Variants in ARHGAP10 observed in about 807,000 individuals in gnomAD.
The protein encoded by ARHGAP10 is rho GTPase-activating protein 10.
ARHGAP10 carries 87 observed loss-of-function variants against 108.6 expected under a neutral mutation model. That is an observed-to-expected ratio of 0.80 (90% CI 0.67 to 0.96). The LOEUF (loss-of-function observed/expected upper bound fraction) is 0.96, where lower values mean the gene tolerates loss of function less well. Among genes scored for constraint, ARHGAP10 ranks in the 40% least tolerant of loss-of-function variants. The pLI is 0.00. For synonymous variants in ARHGAP10, 347 were observed against 341.1 expected (o/e 1.02, Z -0.19); for missense variants, 939 against 954.5 (o/e 0.98, Z 0.21).
At chr4:147,781,819 G>A (rs1391667314) in intron 1 of ARHGAP10, among the ~76,000 whole-genome samples, 1 of 151,722 alleles carries the variant, frequency 6.6e-6, no homozygotes, top group Admixed American at 6.6e-5. Flanking sequence ...TATTATAAGT[G>A]ATAGCAAAGT....
intron 1 of ARHGAP10, among the ~76,000 whole-genome samples, chr4:147,793,708 A>G (rs1234987023): frequency 1.3e-5 from 2 of 152,208 alleles, no homozygotes; most frequent in Non-Finnish European, 2.9e-5. Context: ...GGGAGTTAAC[A>G]TAATGCGGAG....
At chr4:147,799,629 A>T (rs1341781762) in intron 1 of ARHGAP10, among the ~76,000 whole-genome samples, 1 of 151,950 alleles carries the variant, frequency 6.6e-6, no homozygotes, top group Non-Finnish European at 1.5e-5. Context: ...AGTTTTTGTT[A>T]CTGTACTTTT....
intron 18 of ARHGAP10, among the ~76,000 whole-genome samples, chr4:147,972,454 A>G (rs1017776337): frequency 5.3e-5 from 8 of 152,184 alleles, no homozygotes; most frequent in African/African-American, 1.9e-4. Flanking sequence ...TAACTTGCTC[A>G]TGAGCACACA....
At chr4:147,978,211 A>G (rs1357573062) in intron 18 of ARHGAP10, among the ~76,000 whole-genome samples, 1 of 152,096 alleles carries the variant, frequency 6.6e-6, no homozygotes, top group Non-Finnish European at 1.5e-5. Context: ...GCTGGGTCGA[A>G]TGGTAGTTCT....
intron 3 of ARHGAP10, among the ~76,000 whole-genome samples, chr4:147,834,044 A>G (rs1239023675): frequency 6.6e-6 from 1 of 152,236 alleles, no homozygotes; most frequent in Admixed American, 6.5e-5. Flanking sequence ...AATACCTGCA[A>G]CTAGGTAAAT....
chr4:147,939,695 T>TC (rs1161619477), intron 13 of ARHGAP10, 130 bp from the exon 14 acceptor site: 8 of 815,698 alleles, frequency 9.8e-6, no homozygotes, highest in African/African-American at 1.7e-5. Flanking sequence ...CTTGATTTTT[T>TC]CAAAGGTTAT....
At chr4:147,757,345 C>T (rs1729420260) in intron 1 of ARHGAP10, among the ~76,000 whole-genome samples, 1 of 152,064 alleles carries the variant, frequency 6.6e-6, no homozygotes, top group Admixed American at 6.6e-5. Flanking sequence ...AGGCGTATGC[C>T]GCCATGCCCA....
chr4:147,850,931 T>C (rs1197056142), intron 4 of ARHGAP10, among the ~76,000 whole-genome samples: 2 of 152,234 alleles, frequency 1.3e-5, no homozygotes, highest in Non-Finnish European at 2.9e-5. Context: ...GGGCCAAGTA[T>C]GTTGAACAAA....
intron 3 of ARHGAP10, among the ~76,000 whole-genome samples, chr4:147,826,166 G>A (rs1255210884): frequency 6.6e-6 from 1 of 152,192 alleles, no homozygotes; most frequent in Non-Finnish European, 1.5e-5. Context: ...TACAGAAATA[G>A]CGTGTGACCA....
intron 18 of ARHGAP10, among the ~76,000 whole-genome samples, chr4:148,022,725 A>G (rs1214837219): frequency 6.6e-6 from 1 of 152,250 alleles, no homozygotes; most frequent in Non-Finnish European, 1.5e-5. Flanking sequence ...GTATTAAATG[A>G]ATTGATAAAA....
intron 1 of ARHGAP10, among the ~76,000 whole-genome samples, chr4:147,815,959 A>G (rs968940844): frequency 2.0e-5 from 3 of 152,346 alleles, no homozygotes; most frequent in Middle Eastern, 3.4e-3. Context: ...GTTGTAAGCC[A>G]CTGCATTTGT....
At chr4:147,972,609 G>A (rs1181719546) in intron 18 of ARHGAP10, among the ~76,000 whole-genome samples, 1 of 152,120 alleles carries the variant, frequency 6.6e-6, no homozygotes, top group Non-Finnish European at 1.5e-5. Flanking sequence ...AGAAACCCAG[G>A]CAGGATCAGG....
intron 4 of ARHGAP10, among the ~76,000 whole-genome samples, chr4:147,850,204 A>G (rs749333377): frequency 1.2e-4 from 18 of 152,192 alleles, no homozygotes; most frequent in Non-Finnish European, 2.2e-4. Flanking sequence ...CTCTGTAAAA[A>G]TGGACCAATC....
intron 18 of ARHGAP10, among the ~76,000 whole-genome samples, chr4:148,003,258 G>T (rs1054110326): frequency 1.3e-5 from 2 of 152,166 alleles, no homozygotes; most frequent in Non-Finnish European, 2.9e-5. Flanking sequence ...GTTCTAGTTT[G>T]CTTGCACTGT....
chr4:147,741,461 A>G (rs1012605275), intron 1 of ARHGAP10, among the ~76,000 whole-genome samples: 37 of 152,334 alleles, frequency 2.4e-4, no homozygotes, highest in African/African-American at 8.4e-4. Context: ...CTGATTAGAA[A>G]GAGAAAAATG....
At chr4:147,995,867 C>T (rs933688553) in intron 18 of ARHGAP10, among the ~76,000 whole-genome samples, 3 of 152,172 alleles carry the variant, frequency 2.0e-5, no homozygotes, top group Non-Finnish European at 4.4e-5. Flanking sequence ...CAGGCACCCG[C>T]CACTACGCCT....
chr4:148,048,298 G>A (rs1209420395), intron 20 of ARHGAP10, among the ~76,000 whole-genome samples: 1 of 152,204 alleles, frequency 6.6e-6, no homozygotes, highest in Admixed American at 6.5e-5. Context: ...AAATGATTGT[G>A]AACTTATTAA....
chr4:148,044,783 T>G (rs1269276835), intron 19 of ARHGAP10, among the ~76,000 whole-genome samples: 2 of 152,114 alleles, frequency 1.3e-5, no homozygotes, highest in Non-Finnish European at 2.9e-5. Context: ...GATGTGGTCT[T>G]TGTTCCAAAG....
In ARHGAP10 at chr4:147,969,562, TTGTGAAAATAC is replaced by T. The variant is rs1430608903; in HGVS notation, c.1716+2726_1716+2736del. Among the ~76,000 whole-genome samples, 7 of 152,282 alleles carry T rather than the reference TTGTGAAAATAC, an allele frequency of 4.6e-5. No homozygotes were observed. The East Asian group carries it at 1.4e-3, about 29-fold the overall frequency. On this transcript the variant is annotated intron_variant, in intron 18 of 22. Transcript: ENST00000336498. ...ATTAGGAAACCTTTATGCAATTTAT[TTGTGAAAATAC>T]TGGCTCTGGGTCTTGCTCTTGGATA...
Sources: allele counts gnomAD v4.1 joint callset (sites outside exome capture counted in the v4.1 genomes callset), GRCh38; gene constraint gnomAD v4.1.1; transcripts MANE v1.5; gene names NCBI Gene and HGNC (gene_info 2026-07-23, HGNC 2026-07-21).